The following SH3PXD2B variants were observed in gnomAD, a reference collection of about 807,000 sequenced individuals.
SH3PXD2B encodes SH3 and PX domain-containing protein 2B.
In SH3PXD2B, 37 loss-of-function variants were observed where a neutral mutation model predicts 73.1. The ratio of observed to expected loss-of-function variants is 0.51; its 90% CI spans 0.39 to 0.67. SH3PXD2B has a LOEUF of 0.67. SH3PXD2B is among the 30% of genes least tolerant of loss of function. The pLI is 0.00. For synonymous variants in SH3PXD2B, 457 were observed against 480.5 expected (o/e 0.95, Z 0.64); for missense variants, 1,053 against 1,197.8 (o/e 0.88, Z 1.78).
chr5:172,446,332 T>C (rs1230875177), intron 1 of SH3PXD2B, among the ~76,000 whole-genome samples: 2 of 152,166 alleles, frequency 1.3e-5, no homozygotes, highest in Non-Finnish European at 2.9e-5. Context: ...CTGTCTTCTC[T>C]TTTGGCCACT....
intron 4 of SH3PXD2B, among the ~76,000 whole-genome samples, chr5:172,385,862 T>C (rs563524427): frequency 1.1e-4 from 16 of 152,280 alleles, no homozygotes; most frequent in Non-Finnish European, 2.1e-4. Context: ...CCCATTTCAT[T>C]TGGGATGGAC....
chr5:172,406,187 A>T, intron 3 of SH3PXD2B, 90 bp downstream of exon 3: 1 of 1,390,390 alleles, frequency 7.2e-7, no homozygotes, highest in Non-Finnish European at 1.0e-6. Context: ...CCCCTGATAA[A>T]GGAAGACAAG....
At chr5:172,411,240 T>C (rs1425858465) in intron 2 of SH3PXD2B, among the ~76,000 whole-genome samples, 1 of 152,052 alleles carries the variant, frequency 6.6e-6, no homozygotes. Flanking sequence ...CAGTAATCTG[T>C]CCACCCTAAC....
intron 2 of SH3PXD2B, among the ~76,000 whole-genome samples, chr5:172,419,910 C>T (rs1231504275): frequency 6.6e-6 from 1 of 152,214 alleles, no homozygotes; most frequent in Non-Finnish European, 1.5e-5. Context: ...GTCAGTCTAG[C>T]AACTTGCAAA....
intron 1 of SH3PXD2B, among the ~76,000 whole-genome samples, chr5:172,446,983 G>T (rs1336371050): frequency 6.6e-6 from 1 of 152,230 alleles, no homozygotes; most frequent in Non-Finnish European, 1.5e-5. Context: ...TGGGGAAAGA[G>T]CCTCTGAAGG....
At chr5:172,435,430 T>C (rs1393810733) in intron 1 of SH3PXD2B, among the ~76,000 whole-genome samples, 1 of 152,116 alleles carries the variant, frequency 6.6e-6, no homozygotes, top group East Asian at 1.9e-4. Flanking sequence ...AGGTATTTGT[T>C]TGTTTGTTTG....
At chr5:172,423,187 T>G (rs1411236801) in intron 1 of SH3PXD2B, among the ~76,000 whole-genome samples, 1 of 152,082 alleles carries the variant, frequency 6.6e-6, no homozygotes, top group African/African-American at 2.4e-5. Context: ...AGGTGACTAT[T>G]AGAGGTCAGA....
intron 2 of SH3PXD2B, among the ~76,000 whole-genome samples, chr5:172,414,417 C>G (rs972695413): frequency 8.3e-5 from 12 of 144,378 alleles, no homozygotes; most frequent in African/African-American, 2.6e-4. Flanking sequence ...GGCCGTGAGC[C>G]GAGATCGCGC....
In SH3PXD2B at chr5:172,334,167, G is replaced by C. The variant is rs1756632573; in HGVS notation, c.*4202C>G. The C allele has an allele frequency of 9.0e-7, 1 of 1,109,504 alleles. No homozygotes were observed. The highest frequency in any genetic ancestry group is 9.5e-5 in the East Asian group (1 of 10,524). 68.7% of individuals were successfully genotyped at this position (1,109,504 alleles called of 1,614,324 possible). On this transcript the variant is annotated 3_prime_UTR_variant, in exon 13 of 13. Transcript: ENST00000311601. ...AGATGGAATGTTGAAACATGAGGAG[G>C]AGCTCGATAACTTGGCAGAATAGCA... is the stretch of plus-strand genomic sequence containing the variant.
intron 6 of SH3PXD2B, among the ~76,000 whole-genome samples, chr5:172,372,157 G>A (rs964500385): frequency 5.3e-5 from 8 of 152,082 alleles, no homozygotes; most frequent in Admixed American, 3.3e-4. Flanking sequence ...TTGGATCTGC[G>A]TCCCCACCCA....
At chr5:172,368,709 ATT>A (rs1491266514) in intron 6 of SH3PXD2B, among the ~76,000 whole-genome samples, 3 of 75,962 alleles carry the variant, frequency 3.9e-5, no homozygotes, top group South Asian at 3.8e-4. Context: ...ATATATATAT[ATT>A]ATATATATAT....
chr5:172,379,298 G>C (rs1405626525), intron 5 of SH3PXD2B, among the ~76,000 whole-genome samples: 1 of 130,262 alleles, frequency 7.7e-6, no homozygotes, highest in Non-Finnish European at 1.6e-5. Flanking sequence ...GCCAGACCCT[G>C]TCTCTACAAA....
intron 1 of SH3PXD2B, among the ~76,000 whole-genome samples, chr5:172,424,581 G>C (rs911774052): frequency 6.6e-6 from 1 of 152,250 alleles, no homozygotes; most frequent in African/African-American, 2.4e-5. Context: ...CAGGTGAGAA[G>C]AGACGAAAAA....
At chr5:172,380,308 G>A (rs1322042650) in intron 5 of SH3PXD2B, among the ~76,000 whole-genome samples, 2 of 152,034 alleles carry the variant, frequency 1.3e-5, no homozygotes, top group East Asian at 1.9e-4. Context: ...CAATCCTTCC[G>A]CCTCGGCCTC....
intron 5 of SH3PXD2B, among the ~76,000 whole-genome samples, chr5:172,374,172 C>T (rs1309902046): frequency 6.6e-6 from 1 of 152,122 alleles, no homozygotes; most frequent in Non-Finnish European, 1.5e-5. Flanking sequence ...AGGTCCCTGC[C>T]CCATTTCTTG....
At chr5:172,442,390 G>T (rs1759568062) in intron 1 of SH3PXD2B, among the ~76,000 whole-genome samples, 1 of 152,132 alleles carries the variant, frequency 6.6e-6, no homozygotes, top group Non-Finnish European at 1.5e-5. Flanking sequence ...TGAGATGGCG[G>T]TCATTTCTCC....
At chr5:172,410,606 TAA>T (rs1200437570) in intron 2 of SH3PXD2B, among the ~76,000 whole-genome samples, 2 of 152,118 alleles carry the variant, frequency 1.3e-5, no homozygotes, top group African/African-American at 4.8e-5. Flanking sequence ...CTCTAAAAAC[TAA>T]AGTTTACTGA....
At chr5:172,430,680 C>T (rs1041946611) in intron 1 of SH3PXD2B, among the ~76,000 whole-genome samples, 1 of 152,246 alleles carries the variant, frequency 6.6e-6, no homozygotes, top group African/African-American at 2.4e-5. Flanking sequence ...GGAAGAGTGA[C>T]ACTGCTCATG....
chr5:172,336,890 G>T lies in SH3PXD2B; in HGVS notation c.*1479C>A, dbSNP rs1756709053. On this transcript the variant is annotated 3_prime_UTR_variant, in exon 13 of 13. Transcript: ENST00000311601. The stretch of plus-strand genomic sequence containing the variant: ...ATCTGCCCTGGGTTTCTTCAAGGGA[G>T]AAAACAGATTTGGCAGTGCGTGAAA... The T allele has an allele frequency of 4.1e-6, 4 of 985,432 alleles. No homozygotes were observed. Among genetic ancestry groups the T allele is most frequent in the Non-Finnish European group, 4.8e-6 (4 of 829,962 alleles). The allele number at this position is 985,432 out of a possible 1,614,324, so 61.0% of individuals were successfully genotyped here.
Sources: gnomAD v4.1 joint callset for allele counts (sites outside exome capture counted in the v4.1 genomes callset) on GRCh38, gnomAD v4.1.1 for gene constraint, MANE v1.5 for transcripts, NCBI Gene and HGNC (gene_info 2026-07-23, HGNC 2026-07-21) for gene names.